Variants in APBB1IP observed in about 807,000 individuals in gnomAD.
The protein encoded by APBB1IP is amyloid beta precursor protein binding family B member 1 interacting protein.
In APBB1IP, 27 loss-of-function variants were observed where a neutral mutation model predicts 64.9. That is an observed-to-expected ratio of 0.42 (90% CI 0.31 to 0.57). The LOEUF is 0.57. Among genes scored for constraint, APBB1IP ranks in the 20% least tolerant of loss-of-function variants. The pLI is 0.20. For synonymous variants in APBB1IP, 392 were observed against 331.0 expected (o/e 1.18, Z -2.00); for missense variants, 812 against 845.5 (o/e 0.96, Z 0.49).
chr10:26,463,444 AT>A (rs113464322), intron 2 of APBB1IP, among the ~76,000 whole-genome samples: 3 of 152,122 alleles, frequency 2.0e-5, no homozygotes, highest in African/African-American at 7.2e-5. Context: ...CATGTCTAAA[AT>A]TTTTAAAAAA....
At chr10:26,466,642 A>T (rs1835651743) in intron 2 of APBB1IP, among the ~76,000 whole-genome samples, 1 of 152,142 alleles carries the variant, frequency 6.6e-6, no homozygotes, top group African/African-American at 2.4e-5. Flanking sequence ...CCCCACAAAA[A>T]ATTTAAAGAT....
chr10:26,497,927 A>C (rs968166003), intron 4 of APBB1IP, among the ~76,000 whole-genome samples: 1 of 151,838 alleles, frequency 6.6e-6, no homozygotes, highest in Non-Finnish European at 1.5e-5. Flanking sequence ...GGGTTTTGCC[A>C]TGTTGGCTAG....
At chr10:26,515,678 G>A (rs747937916) in intron 8 of APBB1IP, among the ~76,000 whole-genome samples, 2 of 152,178 alleles carry the variant, frequency 1.3e-5, no homozygotes, top group African/African-American at 2.4e-5. Flanking sequence ...ACTAAGAGAA[G>A]GAATAGCTAT....
In APBB1IP at chr10:26,505,634, C is replaced by T. The variant is rs534863751; in HGVS notation, c.531+2360C>T. ...TGCTGGGATTACAAGCATGAGCCACCACACCTGGCCTCAGCTAATGATTTT... is the reference window on the plus strand; with the variant it reads ...TGCTGGGATTACAAGCATGAGCCACTACACCTGGCCTCAGCTAATGATTTT... On this transcript the variant is annotated intron_variant, in intron 6 of 14. Coordinates refer to ENST00000376236, the MANE Select transcript of APBB1IP (RefSeq NM_019043.4). 3.3e-5 allele frequency among the ~76,000 whole-genome samples: 5 copies of T among 152,172 alleles called. No individual in the cohort carries two copies. In the South Asian group the frequency reaches 1.0e-3, roughly 32 times the overall value.
intron 9 of APBB1IP, among the ~76,000 whole-genome samples, chr10:26,534,726 G>C (rs1287046845): frequency 6.6e-6 from 1 of 152,216 alleles, no homozygotes; most frequent in East Asian, 1.9e-4. Flanking sequence ...CTGGTGCCTG[G>C]GAGCATGAGC....
chr10:26,524,819 A>G (rs565679748), intron 8 of APBB1IP, among the ~76,000 whole-genome samples: 2 of 152,232 alleles, frequency 1.3e-5, no homozygotes, highest in South Asian at 2.1e-4. Flanking sequence ...GCTACACTCT[A>G]CAGGGTTAAT....
chr10:26,557,849 G>T (rs988221299), intron 11 of APBB1IP, among the ~76,000 whole-genome samples: 2 of 152,148 alleles, frequency 1.3e-5, no homozygotes, highest in African/African-American at 4.8e-5. Context: ...TTAAAGACAC[G>T]AGACCCTTTG....
chr10:26,469,178 G>C (rs1286688873), intron 2 of APBB1IP, among the ~76,000 whole-genome samples: 1 of 145,550 alleles, frequency 6.9e-6, no homozygotes, highest in Non-Finnish European at 1.5e-5. Context: ...CACATACATT[G>C]TATAGCTGTA....
At chr10:26,496,442 TCAAA>T in intron 4 of APBB1IP, 51 bp downstream of exon 4, 1 of 1,390,822 alleles carries the variant, frequency 7.2e-7, no homozygotes, top group Non-Finnish European at 1.0e-6. Flanking sequence ...TAATGATGAT[TCAAA>T]TCAGTATGAA....
At chr10:26,454,472 T>C (rs1835499694) in intron 2 of APBB1IP, among the ~76,000 whole-genome samples, 1 of 151,526 alleles carries the variant, frequency 6.6e-6, no homozygotes, top group Admixed American at 6.6e-5. Context: ...GACGACAGAG[T>C]GAGACTCTGT....
intron 2 of APBB1IP, among the ~76,000 whole-genome samples, chr10:26,449,973 T>C (rs1835447164): frequency 6.6e-6 from 1 of 151,732 alleles, no homozygotes; most frequent in African/African-American, 2.4e-5. Context: ...GCCACTATAC[T>C]CCAACCTGGG....
chr10:26,487,841 T>A (rs773492053), intron 2 of APBB1IP, among the ~76,000 whole-genome samples: 5 of 152,192 alleles, frequency 3.3e-5, no homozygotes, highest in African/African-American at 4.8e-5. Context: ...GGAGAATGAA[T>A]CAATGGCAAG....
rs530964777 is a variant in APBB1IP at position 26,533,372 on chromosome 10, G to C, written c.814-67G>C. 15 of 891,284 alleles carry C rather than the reference G, an allele frequency of 1.7e-5. No individual in the cohort carries two copies. In the South Asian group the frequency reaches 2.8e-4, roughly 17 times the overall value. 55.2% of individuals were successfully genotyped at this position (891,284 alleles called of 1,614,324 possible). The stretch of plus-strand genomic sequence containing the variant: ...AACATCTTCTTTCCAGCAAGACTGT[G>C]AGTTCCTTGCAGAGTCTAGTACGGT... On this transcript the variant is annotated intron_variant, in intron 8 of 14. Coordinates refer to ENST00000376236, the MANE Select transcript of APBB1IP (RefSeq NM_019043.4).
At chr10:26,541,830 C>T in intron 11 of APBB1IP, 138 bp downstream of exon 11, 4 of 573,760 alleles carry the variant, frequency 7.0e-6, no homozygotes, top group Non-Finnish European at 1.2e-5. Context: ...ATGAGGGAAA[C>T]ATTTCTATCA....
intron 2 of APBB1IP, among the ~76,000 whole-genome samples, chr10:26,466,362 C>A (rs908407821): frequency 1.3e-5 from 2 of 152,108 alleles, no homozygotes; most frequent in African/African-American, 4.8e-5. Flanking sequence ...GGACACAGAC[C>A]CCACTTCTTA....
intron 11 of APBB1IP, among the ~76,000 whole-genome samples, chr10:26,542,559 A>T (rs1165246140): frequency 6.6e-6 from 1 of 152,210 alleles, no homozygotes; most frequent in Admixed American, 6.5e-5. Context: ...ATGCCTGCAG[A>T]ACTCTGGATT....
chr10:26,544,173 C>T (rs1373491463), intron 11 of APBB1IP, among the ~76,000 whole-genome samples: 1 of 152,212 alleles, frequency 6.6e-6, no homozygotes, highest in African/African-American at 2.4e-5. Context: ...TCCCACAATG[C>T]CACCTGCCCT....
intron 2 of APBB1IP, among the ~76,000 whole-genome samples, chr10:26,473,886 G>A (rs1419981199): frequency 2.0e-5 from 3 of 151,202 alleles, no homozygotes; most frequent in Non-Finnish European, 4.4e-5. Context: ...CCTGTAATCC[G>A]AGCTACTTAG....
intron 4 of APBB1IP, among the ~76,000 whole-genome samples, chr10:26,498,859 A>C (rs1391760484): frequency 2.0e-5 from 3 of 152,244 alleles, no homozygotes. Context: ...ACAGGACAAG[A>C]CATTTAAAAA....
Sources: gnomAD v4.1 joint callset for allele counts (sites outside exome capture counted in the v4.1 genomes callset) on GRCh38, gnomAD v4.1.1 for gene constraint, MANE v1.5 for transcripts, NCBI Gene and HGNC (gene_info 2026-07-23, HGNC 2026-07-21) for gene names.